Variants in ANGPT1 observed in about 807,000 individuals in gnomAD.
ANGPT1 encodes angiopoietin 1.
Under a neutral mutation model 62.2 loss-of-function variants are expected in ANGPT1, and 17 were observed. The observed-to-expected ratio is 0.27, with a 90% confidence interval of 0.19 to 0.41. The LOEUF is 0.41. Among genes scored for constraint, ANGPT1 ranks in the 10% least tolerant of loss-of-function variants. The pLI is 1.00. For synonymous variants in ANGPT1, 199 were observed against 198.9 expected, an observed-to-expected ratio of 1.00 and a Z score of 0.00; for missense variants, 478 against 594.9, an observed-to-expected ratio of 0.80 and a Z score of 2.04.
intron 4 of ANGPT1, among the ~76,000 whole-genome samples, chr8:107,317,038 C>G (rs1053035983): frequency 1.3e-5 from 2 of 152,094 alleles, no homozygotes; most frequent in Non-Finnish European, 2.9e-5. Flanking sequence ...CAGTAAAATC[C>G]CCAAGAAAAC....
At chr8:107,262,458 T>C (rs1279128475) in intron 8 of ANGPT1, among the ~76,000 whole-genome samples, 2 of 152,204 alleles carry the variant, frequency 1.3e-5, no homozygotes. Context: ...TGGCAAATGC[T>C]AGCTGTCATT....
chr8:107,348,520 C>T (rs1008388427), intron 1 of ANGPT1, among the ~76,000 whole-genome samples: 2 of 151,942 alleles, frequency 1.3e-5, no homozygotes, highest in African/African-American at 4.8e-5. Context: ...CATTTTTCCC[C>T]CAAATTAGAC....
intron 3 of ANGPT1, among the ~76,000 whole-genome samples, chr8:107,328,968 T>C (rs1027552518): frequency 6.6e-5 from 10 of 151,954 alleles, no homozygotes; most frequent in Admixed American, 6.6e-4. Flanking sequence ...TAAAAATAGA[T>C]TGCTACTCAT....
At position 107,383,318 on chromosome 8, in the gene ANGPT1, AC is replaced by A. The variant is rs1308689060; in HGVS notation, c.298-36222del. 2.0e-5 allele frequency among the ~76,000 whole-genome samples: 3 copies of A among 152,292 alleles called. No individual in the cohort carries two copies. The East Asian group carries it at 5.8e-4, about 29-fold the overall frequency. The stretch of plus-strand genomic sequence containing the variant: ...AGCTCCAAGAAAGGGCTGGATGTAC[AC>A]CTGAAACTGAAATTGCTGGGGAGAA... On this transcript the variant is annotated intron_variant, in intron 1 of 8. Coordinates refer to ENST00000517746, the MANE Select transcript of ANGPT1 (RefSeq NM_001146.5).
intron 1 of ANGPT1, among the ~76,000 whole-genome samples, chr8:107,407,443 C>T (rs1249663053): frequency 2.0e-5 from 3 of 152,112 alleles, no homozygotes; most frequent in Non-Finnish European, 4.4e-5. Context: ...ATTGACATGG[C>T]TTCATGCACA....
intron 1 of ANGPT1, among the ~76,000 whole-genome samples, chr8:107,354,535 A>G (rs76942615): frequency 0.04 from 6,034 of 152,234 alleles, 328 homozygotes; most frequent in African/African-American, 0.12. Context: ...AAGAGTCTAT[A>G]AGGTTTGAAT....
At chr8:107,306,785 C>A (rs1468384371) in intron 4 of ANGPT1, among the ~76,000 whole-genome samples, 5 of 151,974 alleles carry the variant, frequency 3.3e-5, no homozygotes, top group African/African-American at 1.2e-4. Flanking sequence ...GTGGCTCACC[C>A]TGTAATACCA....
intron 8 of ANGPT1, among the ~76,000 whole-genome samples, chr8:107,256,231 T>C (rs1003628297): frequency 2.0e-5 from 3 of 152,196 alleles, no homozygotes; most frequent in African/African-American, 7.2e-5. Context: ...AGTTTTATTA[T>C]AAAATATCCT....
At chr8:107,331,786 C>T (rs991479944) in intron 3 of ANGPT1, among the ~76,000 whole-genome samples, 1 of 152,162 alleles carries the variant, frequency 6.6e-6, no homozygotes, top group Non-Finnish European at 1.5e-5. Context: ...CATCACATGT[C>T]TCGTTTCAGT....
intron 1 of ANGPT1, among the ~76,000 whole-genome samples, chr8:107,404,055 C>T (rs1308116252): frequency 6.6e-6 from 1 of 152,132 alleles, no homozygotes; most frequent in Non-Finnish European, 1.5e-5. Context: ...ATTTCTCCTC[C>T]TGTGAGAATG....
At chr8:107,409,867 T>A (rs566430261) in intron 1 of ANGPT1, among the ~76,000 whole-genome samples, 1 of 152,250 alleles carries the variant, frequency 6.6e-6, no homozygotes, top group African/African-American at 2.4e-5. Flanking sequence ...AGTAGGAACA[T>A]AATGATTGTG....
intron 5 of ANGPT1, 92 bp from the exon 6 acceptor site, chr8:107,294,129 G>T: frequency 1.0e-6 from 1 of 967,986 alleles, no homozygotes. Context: ...AGGCGAACAG[G>T]TCTGCAGATT....
intron 4 of ANGPT1, among the ~76,000 whole-genome samples, chr8:107,306,964 G>T (rs1393314949): frequency 6.6e-6 from 1 of 151,992 alleles, no homozygotes; most frequent in Non-Finnish European, 1.5e-5. Context: ...ATGTCAGGGG[G>T]AACCTTCCGG....
intron 1 of ANGPT1, among the ~76,000 whole-genome samples, chr8:107,406,097 A>G (rs933062629): frequency 6.6e-6 from 1 of 151,928 alleles, no homozygotes; most frequent in Admixed American, 6.6e-5. Context: ...TAATTAAAAT[A>G]TAATATGTAA....
At position 107,271,203 on chromosome 8, in the gene ANGPT1, C is replaced by T. The variant is rs893833618; in HGVS notation, c.1206-6852G>A. ...TTTGTAGTGTACCTGTTTGGGTTTG[C>T]AATCTAGCTCTTATTCTTTCTGATC... is the stretch of plus-strand genomic sequence containing the variant. On this transcript the variant is annotated intron_variant, in intron 7 of 8. Coordinates refer to ENST00000517746, the MANE Select transcript of ANGPT1 (RefSeq NM_001146.5). 4.6e-5 allele frequency among the ~76,000 whole-genome samples: 7 copies of T among 152,136 alleles called. No homozygotes were observed. The East Asian group carries it at 1.4e-3, about 29-fold the overall frequency.
chr8:107,475,507 A>T (rs571977255), intron 1 of ANGPT1, among the ~76,000 whole-genome samples: 1 of 152,304 alleles, frequency 6.6e-6, no homozygotes, highest in East Asian at 1.9e-4. Context: ...AGGCAATACC[A>T]TTCAGGACAT....
chr8:107,433,980 T>A (rs13281824), intron 1 of ANGPT1, among the ~76,000 whole-genome samples: 18,163 of 152,250 alleles, frequency 0.12, 1,468 homozygotes, highest in East Asian at 0.44. Flanking sequence ...ATTCACTATA[T>A]CATAGTCCTT....
chr8:107,442,286 T>A (rs1014165981), intron 1 of ANGPT1, among the ~76,000 whole-genome samples: 1 of 152,196 alleles, frequency 6.6e-6, no homozygotes, highest in African/African-American at 2.4e-5. Context: ...TGACAGAAGA[T>A]GAAAAAGGAA....
intron 1 of ANGPT1, among the ~76,000 whole-genome samples, chr8:107,362,506 T>C (rs901379949): frequency 1.3e-5 from 2 of 152,186 alleles, no homozygotes; most frequent in African/African-American, 4.8e-5. Context: ...TGTCCTGATG[T>C]GCATTCCCAC....
Sources: gnomAD v4.1 joint callset for allele counts (sites outside exome capture counted in the v4.1 genomes callset) on GRCh38, gnomAD v4.1.1 for gene constraint, MANE v1.5 for transcripts, NCBI Gene and HGNC (gene_info 2026-07-23, HGNC 2026-07-21) for gene names.